PPIL6: variants seen among roughly 807,000 people sequenced by gnomAD.
The protein encoded by PPIL6 is peptidylprolyl isomerase like 6, also known as probable inactive peptidyl-prolyl cis-trans isomerase-like 6.
PPIL6 carries 39 observed loss-of-function variants against 36.8 expected under a neutral mutation model. That is an observed-to-expected ratio of 1.06 (90% CI 0.82 to 1.38). PPIL6 has a LOEUF of 1.38. Among genes scored for constraint, PPIL6 ranks in the 40% most tolerant of loss-of-function variants. The pLI is 0.00. For synonymous variants in PPIL6, 123 were observed against 134.1 expected (o/e 0.92, Z 0.57); for missense variants, 368 against 379.1 (o/e 0.97, Z 0.24).
intron 1 of PPIL6, among the ~76,000 whole-genome samples, chr6:109,438,257 G>C (rs1774562986): frequency 6.6e-6 from 1 of 151,724 alleles, no homozygotes; most frequent in Non-Finnish European, 1.5e-5. Flanking sequence ...TATCATGTTA[G>C]GAATACATTC....
At chr6:109,407,852 T>C (rs565660548) in intron 6 of PPIL6, among the ~76,000 whole-genome samples, 23 of 152,196 alleles carry the variant, frequency 1.5e-4, no homozygotes, top group African/African-American at 5.3e-4. Context: ...TGAGATGGGG[T>C]CTTGCTATGT....
At chr6:109,430,906 T>C (rs572574890) in intron 3 of PPIL6, among the ~76,000 whole-genome samples, 1 of 152,326 alleles carries the variant, frequency 6.6e-6, no homozygotes, top group South Asian at 2.1e-4. Context: ...AATTCATGCA[T>C]ATAAATCTCT....
intron 2 of PPIL6, among the ~76,000 whole-genome samples, chr6:109,435,219 C>T (rs959680788): frequency 1.3e-5 from 2 of 151,960 alleles, no homozygotes; most frequent in African/African-American, 2.4e-5. Flanking sequence ...GGTAACTAAC[C>T]ATCATCAGCG....
intron 6 of PPIL6, among the ~76,000 whole-genome samples, chr6:109,400,633 T>C (rs1490441955): frequency 6.6e-6 from 1 of 152,044 alleles, no homozygotes; most frequent in Non-Finnish European, 1.5e-5. Context: ...CTTATAACAC[T>C]CGATGTAATT....
chr6:109,412,184 C>T (rs537540970), intron 6 of PPIL6, among the ~76,000 whole-genome samples: 103 of 152,302 alleles, frequency 6.8e-4, no homozygotes, highest in Middle Eastern at 3.4e-3. Flanking sequence ...TAAACTGCCC[C>T]TTAATCTCAT....
rs764934185 is a variant in PPIL6 at position 109,431,302 on chromosome 6, G to T, written c.275C>A (p.Ser92Tyr). The change falls in exon 3 of 8, where the codon TCT (serine) becomes TAT (tyrosine). Residue 92 changes from serine (S) to tyrosine (Y), a missense_variant. Coordinates refer to ENST00000521072, the MANE Select transcript of PPIL6 (RefSeq NM_173672.5). ...ETWEYSSSVI[S>Y]FVNGQFLGDA... ...ACCCAGAAACTGACCATTAACAAAA[G>T]AAATCACAGAGGAAGAATATTCCCA... 1.3e-5 allele frequency: 20 copies of T among 1,513,146 alleles called. No homozygotes were observed. Among genetic ancestry groups the T allele is most frequent in the African/African-American group, 3.1e-5 (2 of 65,192 alleles). 93.7% of individuals were successfully genotyped at this position (1,513,146 alleles called of 1,614,324 possible).
Position 109,427,014 on chromosome 6 carries a change from G to C in PPIL6, c.484-20C>G, listed in dbSNP as rs1385346244. ...GTATAGCTACAAAATAAAGACAAAA[G>C]GTTTCAAAGATTAAATATTTAACAC... On this transcript the variant is annotated intron_variant, in intron 4 of 7. Coordinates refer to ENST00000521072, the MANE Select transcript of PPIL6 (RefSeq NM_173672.5). 1 of 1,598,690 alleles carries C rather than the reference G, an allele frequency of 6.3e-7. No homozygotes were observed. Among genetic ancestry groups the C allele is most frequent in the African/African-American group, 1.3e-5 (1 of 74,452 alleles).
At chr6:109,429,861 G>C (rs181144097) in intron 3 of PPIL6, among the ~76,000 whole-genome samples, 26 of 152,158 alleles carry the variant, frequency 1.7e-4, no homozygotes, top group African/African-American at 5.8e-4. Context: ...ACACCTTTTC[G>C]CCTTCGATCA....
intron 6 of PPIL6, among the ~76,000 whole-genome samples, chr6:109,402,012 C>T (rs546862932): frequency 8.5e-5 from 13 of 152,092 alleles, no homozygotes; most frequent in East Asian, 5.8e-4. Flanking sequence ...CGTGAGCCAC[C>T]GCGCCCGGCC....
chr6:109,435,235 C>G (rs774082434), intron 2 of PPIL6, among the ~76,000 whole-genome samples: 1 of 151,744 alleles, frequency 6.6e-6, no homozygotes, highest in Admixed American at 6.6e-5. Flanking sequence ...CAGCGGCAAA[C>G]GGCACCATTG....
At position 109,402,804 on chromosome 6, in the gene PPIL6, C is replaced by G. The variant is rs1298171343; in HGVS notation, c.689-2634G>C. ...GAACCCGAGGCTATGCTGCTTCCAG[C>G]CAGGCAGTAATGCCAGGGCCTACGG... On this transcript the variant is annotated intron_variant, in intron 6 of 7. Transcript: ENST00000521072. Among the ~76,000 whole-genome samples the G allele has an allele frequency of 3.3e-5, 5 of 151,774 alleles. No individual in the cohort carries two copies. The East Asian group carries it at 9.6e-4, about 29-fold the overall frequency.
intron 3 of PPIL6, among the ~76,000 whole-genome samples, chr6:109,428,367 A>G (rs1452153546): frequency 6.6e-6 from 1 of 152,064 alleles, no homozygotes; most frequent in Non-Finnish European, 1.5e-5. Flanking sequence ...CCTGGGCAAC[A>G]TGGTGAGACC....
At chr6:109,400,271 C>T in intron 6 of PPIL6, 101 bp from the exon 7 acceptor site, 1 of 884,700 alleles carries the variant, frequency 1.1e-6, no homozygotes, top group East Asian at 2.6e-5. Flanking sequence ...CACTCTCAAT[C>T]ATATTTATCA....
intron 6 of PPIL6, among the ~76,000 whole-genome samples, chr6:109,411,165 C>T (rs1261427944): frequency 2.0e-5 from 3 of 152,106 alleles, no homozygotes; most frequent in African/African-American, 7.2e-5. Flanking sequence ...TGTCTATAAC[C>T]GCATAACACC....
intron 2 of PPIL6, among the ~76,000 whole-genome samples, chr6:109,433,058 T>C (rs904731823): frequency 1.3e-5 from 2 of 151,720 alleles, no homozygotes; most frequent in African/African-American, 2.4e-5. Context: ...CCCAAAACTT[T>C]CTTTTTTTTT....
At chr6:109,419,405 A>C (rs1773429644) in intron 5 of PPIL6, among the ~76,000 whole-genome samples, 162 bp from the exon 6 acceptor site, 1 of 150,194 alleles carries the variant, frequency 6.7e-6, no homozygotes, top group African/African-American at 2.5e-5. Flanking sequence ...ACATAATGAG[A>C]CTCCATCTCG....
At chr6:109,396,297 A>G (rs936989762) in intron 7 of PPIL6, among the ~76,000 whole-genome samples, 1 of 152,030 alleles carries the variant, frequency 6.6e-6, no homozygotes, top group Non-Finnish European at 1.5e-5. Context: ...TCAAAATGAG[A>G]AGCTGGTTAT....
intron 3 of PPIL6, among the ~76,000 whole-genome samples, chr6:109,429,487 G>C (rs1226045335): frequency 2.0e-5 from 3 of 151,858 alleles, no homozygotes; most frequent in Admixed American, 2.0e-4. Flanking sequence ...TTCCTATCTG[G>C]GGAACTCCTC....
chr6:109,392,758 A>T lies in PPIL6; in HGVS notation c.*68T>A. The T allele has an allele frequency of 1.0e-6, 1 of 992,130 alleles. No homozygotes were observed. The highest frequency in any genetic ancestry group is 1.5e-6 in the Non-Finnish European group (1 of 659,092). The allele number at this position is 992,130 out of a possible 1,614,324, so 61.5% of individuals were successfully genotyped here. The stretch of plus-strand genomic sequence containing the variant: ...AATTACAATTTATCAAGTACTTTTT[A>T]ATTAAATCCACAAACAGCTGATCAG... On this transcript the variant is annotated 3_prime_UTR_variant, in exon 8 of 8. Transcript: ENST00000521072.
Sources: allele counts gnomAD v4.1 joint callset (sites outside exome capture counted in the v4.1 genomes callset), GRCh38; gene constraint gnomAD v4.1.1; transcripts MANE v1.5; gene names NCBI Gene and HGNC (gene_info 2026-07-23, HGNC 2026-07-21).